UBAP2: variants seen among roughly 807,000 people sequenced by gnomAD.
UBAP2 encodes ubiquitin associated protein 2.
UBAP2 carries 75 observed loss-of-function variants against 139.6 expected under a neutral mutation model. The ratio of observed to expected loss-of-function variants is 0.54; its 90% CI spans 0.45 to 0.65. The LOEUF (loss-of-function observed/expected upper bound fraction) is 0.65, where lower values mean the gene tolerates loss of function less well. UBAP2 is among the 30% of genes least tolerant of loss of function. The pLI is 0.00. For synonymous variants in UBAP2, 526 were observed against 526.2 expected (o/e 1.00, Z 0.01); for missense variants, 1,368 against 1,369.6 (o/e 1.00, Z 0.02).
rs753685312 is a variant in UBAP2, at chr9:33,989,006, G to A, written c.409C>T (p.Arg137Trp). ...ESSRGRGNNN[R>W]KGRGGNRGRE... ...CCACGATTGCCGCCTCTTCCTTTCC[G>A]GTTGTTGTTTCCACGTCCACGACTC... Residue 137 changes from arginine (R) to tryptophan (W), a missense_variant, in exon 5 of 29, where the codon CGG becomes TGG. Arg to Trp is a moderately radical substitution (Grantham distance 101). Coordinates refer to ENST00000379238, the MANE Select transcript of UBAP2 (RefSeq NM_001370062.2). The A allele has an allele frequency of 4.5e-5, 73 of 1,613,292 alleles. No individual in the cohort carries two copies. The highest frequency in any genetic ancestry group is 5.7e-5 in the Non-Finnish European group (67 of 1,179,786).
chr9:34,008,298 A>G (rs1398602413), intron 2 of UBAP2, among the ~76,000 whole-genome samples: 1 of 148,938 alleles, frequency 6.7e-6, no homozygotes, highest in Non-Finnish European at 1.5e-5. Context: ...AGCGTGGGCA[A>G]CAAGAGCGAA....
chr9:33,941,542 T>C, intron 16 of UBAP2, 107 bp downstream of exon 16: 1 of 959,586 alleles, frequency 1.0e-6, no homozygotes, highest in East Asian at 2.6e-5. Flanking sequence ...CTCAAAAGGT[T>C]AGTCAATTTG....
At chr9:34,017,241 TG>T in intron 1 of UBAP2, 52 bp from the exon 2 acceptor site, 1 of 794,006 alleles carries the variant, frequency 1.3e-6, no homozygotes, top group Non-Finnish European at 1.9e-6. Flanking sequence ...AAGATAAGCA[TG>T]TACTTCAGAG....
chr9:33,968,595 G>A (rs976929537), intron 8 of UBAP2: 2 of 308,118 alleles, frequency 6.5e-6, no homozygotes, highest in East Asian at 7.1e-5. Flanking sequence ...AATCATGAAC[G>A]AATATTGAAC....
At chr9:33,983,180 C>G (rs1348578121) in intron 6 of UBAP2, among the ~76,000 whole-genome samples, 3 of 152,014 alleles carry the variant, frequency 2.0e-5, no homozygotes, top group African/African-American at 4.8e-5. Flanking sequence ...GCCCGGCCCC[C>G]CTATAATGTG....
intron 17 of UBAP2, chr9:33,933,905 T>C: frequency 3.1e-6 from 1 of 322,764 alleles, no homozygotes; most frequent in Admixed American, 3.8e-5. Flanking sequence ...TATGGGGACA[T>C]ACTTTTCACA....
chr9:34,021,321 A>C (rs1008767230), intron 1 of UBAP2, among the ~76,000 whole-genome samples: 2 of 152,186 alleles, frequency 1.3e-5, no homozygotes, highest in African/African-American at 4.8e-5. Context: ...GTAACAACCA[A>C]TTATCTAGAA....
At chr9:33,949,737 G>A (rs1825948309) in intron 12 of UBAP2, among the ~76,000 whole-genome samples, 1 of 152,048 alleles carries the variant, frequency 6.6e-6, no homozygotes, top group Non-Finnish European at 1.5e-5. Context: ...GCGCACACAC[G>A]CACAAGATCA....
At chr9:33,924,786 C>A (rs560896838) in intron 22 of UBAP2, among the ~76,000 whole-genome samples, 1 of 152,368 alleles carries the variant, frequency 6.6e-6, no homozygotes, top group South Asian at 2.1e-4. Context: ...ACCACCTACA[C>A]TGCTCTCAAA....
At chr9:33,985,121 CA>C (rs1171724629) in intron 6 of UBAP2, among the ~76,000 whole-genome samples, 1 of 152,148 alleles carries the variant, frequency 6.6e-6, no homozygotes, top group South Asian at 2.1e-4. Context: ...GATATTTATA[CA>C]AAGAAAAGGA....
In UBAP2 at chr9:34,048,601, G is replaced by A. The variant is rs185042708; in HGVS notation, c.-42+224C>T. 4.5e-4 allele frequency among the ~76,000 whole-genome samples: 68 copies of A among 152,236 alleles called. 1 individual carries two copies. Among genetic ancestry groups the A allele is most frequent in the Admixed American group, 4.3e-3 (65 of 15,284 alleles). ...CGACCTGGACGGGGGAAAGTAGGAA[G>A]AAGCACAGGGCAACGTGAGGGGAAG... On this transcript the variant is annotated intron_variant, in intron 1 of 28. Transcript: ENST00000379238.
chr9:33,967,115 G>T (rs2131035048), intron 8 of UBAP2, among the ~76,000 whole-genome samples: 1 of 151,770 alleles, frequency 6.6e-6, no homozygotes, highest in African/African-American at 2.4e-5. Flanking sequence ...CTTATTCCTA[G>T]GCATCTGGTG....
chr9:34,043,816 ATAT>A (rs1827308763), intron 1 of UBAP2, among the ~76,000 whole-genome samples: 1 of 115,312 alleles, frequency 8.7e-6, no homozygotes, highest in Non-Finnish European at 1.8e-5. Flanking sequence ...TTTTTTAAAC[ATAT>A]ACTCCATGTT....
chr9:33,963,710 A>G lies in UBAP2; in HGVS notation c.745+16T>C, dbSNP rs1169170520. 1 of 1,523,982 alleles carries G rather than the reference A, an allele frequency of 6.6e-7. No individual in the cohort carries two copies. The highest frequency in any genetic ancestry group is 9.0e-7 in the Non-Finnish European group (1 of 1,110,890). 94.4% of individuals were successfully genotyped at this position (1,523,982 alleles called of 1,614,324 possible). A position where few individuals can be genotyped will look rare whatever the true frequency, so the allele number is the denominator to read the frequency against. ...AGATTCTTAATTTTAAAAATTAAAA[A>G]ATTAAGTATTCATACCTTTGAGTCC... is the stretch of plus-strand genomic sequence containing the variant. On this transcript the variant is annotated intron_variant, in intron 9 of 28. Coordinates refer to ENST00000379238, the MANE Select transcript of UBAP2 (RefSeq NM_001370062.2).
At chr9:33,981,253 TATATATTCTGG>T (rs1820727240) in intron 6 of UBAP2, among the ~76,000 whole-genome samples, 1 of 114,406 alleles carries the variant, frequency 8.7e-6, no homozygotes, top group Non-Finnish European at 1.7e-5. Flanking sequence ...TGGATATATA[TATATATTCTGG>T]ATATATATAT....
At chr9:34,042,129 G>A (rs1443132892) in intron 1 of UBAP2, among the ~76,000 whole-genome samples, 1 of 151,964 alleles carries the variant, frequency 6.6e-6, no homozygotes, top group Admixed American at 6.6e-5. Flanking sequence ...ACTGAAAATG[G>A]GCACTATTAA....
rs1434597066 is a variant in UBAP2 at position 33,923,945 on chromosome 9, T to C, written c.2646A>G (p.Thr882=). The C allele has an allele frequency of 1.2e-6, 2 of 1,613,990 alleles. No homozygotes were observed. The highest frequency in any genetic ancestry group is 1.7e-6 in the Non-Finnish European group (2 of 1,180,038). ...GDSASPAPAT[T]PAQPQQSQSQ... ...ATTGGCTCTGCTGTGGCTGAGCTGG[T>C]GTGGTAGCGGGTGCAGGGGATGCAG... The change falls in exon 24 of 29, where the codon ACA becomes ACG. Residue 882 remains threonine (T), a synonymous_variant. Coordinates refer to ENST00000379238, the MANE Select transcript of UBAP2 (RefSeq NM_001370062.2).
chr9:34,033,893 G>T (rs564506157), intron 1 of UBAP2, among the ~76,000 whole-genome samples: 24 of 152,082 alleles, frequency 1.6e-4, no homozygotes, highest in Admixed American at 5.9e-4. Context: ...CCACCACCAT[G>T]CCTGGCTAAT....
Position 34,048,055 on chromosome 9 carries a change from C to T in UBAP2, c.-42+770G>A, listed in dbSNP as rs116195421. Among the ~76,000 whole-genome samples, 889 of 152,118 alleles carry T rather than the reference C, an allele frequency of 5.8e-3. 9 individuals are homozygous for T. Among genetic ancestry groups the T allele is most frequent in the African/African-American group, 0.019 (808 of 41,520 alleles). On this transcript the variant is annotated intron_variant, in intron 1 of 28. Transcript: ENST00000379238. Reference sequence around the variant, plus strand: ...GACCAGAGTGGTGACAGTTGAGATGCGTGGGCAACTAATTAGACTAAAAAC... The same window carrying T: ...GACCAGAGTGGTGACAGTTGAGATGTGTGGGCAACTAATTAGACTAAAAAC...
Sources: allele counts gnomAD v4.1 joint callset (sites outside exome capture counted in the v4.1 genomes callset), GRCh38; gene constraint gnomAD v4.1.1; transcripts MANE v1.5; gene names NCBI Gene and HGNC (gene_info 2026-07-23, HGNC 2026-07-21).